The following SLC44A1 variants were observed in gnomAD, a reference collection of about 807,000 sequenced individuals.
SLC44A1 encodes solute carrier family 44 member 1, also known as choline transporter-like protein 1.
In SLC44A1, 26 loss-of-function variants were observed where a neutral mutation model predicts 79.3. The observed-to-expected ratio is 0.33, with a 90% CI of 0.24 to 0.46. SLC44A1 has a LOEUF of 0.46. Among genes scored for constraint, SLC44A1 ranks in the 20% least tolerant of loss-of-function variants. The pLI, the probability that SLC44A1 is intolerant of heterozygous loss-of-function variation, is 1.00. For synonymous variants in SLC44A1, 263 were observed against 286.2 expected (o/e 0.92, Z 0.82); for missense variants, 688 against 798.1 (o/e 0.86, Z 1.66).
intron 15 of SLC44A1, chr9:105,386,510 G>T: frequency 1.3e-6 from 1 of 764,594 alleles, no homozygotes; most frequent in Non-Finnish European, 1.6e-6. Context: ...TGCTGCCTGT[G>T]GGCCGCATAT....
intron 12 of SLC44A1, among the ~76,000 whole-genome samples, chr9:105,371,720 C>CAAAA (rs776993058): frequency 8.5e-5 from 8 of 94,184 alleles, no homozygotes; most frequent in Admixed American, 2.6e-4. Flanking sequence ...CTCCATCTCA[C>CAAAA]AAAAAAAAAA....
chr9:105,373,812 C>G (rs1350229714), intron 12 of SLC44A1, among the ~76,000 whole-genome samples: 3 of 152,168 alleles, frequency 2.0e-5, no homozygotes, highest in African/African-American at 7.2e-5. Flanking sequence ...TTCAAGAGAA[C>G]CTATGGAAGA....
In SLC44A1 at chr9:105,397,260, G is replaced by T. The variant is rs1828894521; in HGVS notation, c.*8204G>T. The T allele has an allele frequency of 1.0e-6, 1 of 985,104 alleles. No homozygotes were observed. Among genetic ancestry groups the T allele is most frequent in the African/African-American group, 1.7e-5 (1 of 57,342 alleles). The allele number at this position is 985,104 out of a possible 1,614,324, so 61.0% of individuals were successfully genotyped here. ...TAAGTTTTCTCTGTGTACTGACTCA[G>T]TTGCCAGAATTATAATGAAAACTGT... is the stretch of plus-strand genomic sequence containing the variant. On this transcript the variant is annotated 3_prime_UTR_variant, in exon 16 of 16. Transcript: ENST00000374720.
chr9:105,300,301 G>C (rs1044403528), intron 2 of SLC44A1, among the ~76,000 whole-genome samples: 1 of 152,052 alleles, frequency 6.6e-6, no homozygotes, highest in Non-Finnish European at 1.5e-5. Context: ...ATACATTATT[G>C]CTCTCTCTTT....
chr9:105,385,691 A>T, intron 15 of SLC44A1, 189 bp downstream of exon 15: 1 of 985,412 alleles, frequency 1.0e-6, no homozygotes, highest in Non-Finnish European at 1.2e-6. Flanking sequence ...AACTGAGACC[A>T]CCTTCTATAA....
At chr9:105,248,025 T>A (rs1361472647) in intron 1 of SLC44A1, among the ~76,000 whole-genome samples, 1 of 152,226 alleles carries the variant, frequency 6.6e-6, no homozygotes, top group Non-Finnish European at 1.5e-5. Flanking sequence ...TTAATGTGTA[T>A]GTTTTAGTTG....
At chr9:105,294,752 A>G (rs1365991838) in intron 1 of SLC44A1, 1 of 151,614 alleles carries the variant, frequency 6.6e-6, no homozygotes, top group Non-Finnish European at 1.5e-5. Flanking sequence ...TTTTTTTCAA[A>G]TATTTCCTCT....
chr9:105,266,028 A>T (rs1181497725), intron 1 of SLC44A1, among the ~76,000 whole-genome samples: 1 of 151,910 alleles, frequency 6.6e-6, no homozygotes. Context: ...TGCAATCATA[A>T]CTCACTGCAG....
rs117394654 is a variant in SLC44A1 at position 105,350,497 on chromosome 9, C to T, written c.500+2046C>T. Among the ~76,000 whole-genome samples, 25 of 152,056 alleles carry T rather than the reference C, an allele frequency of 1.6e-4. No individual in the cohort carries two copies. In the East Asian group the frequency reaches 3.7e-3, roughly 22 times the overall value. ...TGTTTTTGGTGACTTTTTTTAATGGCAAAAGACCAGCACCAGGCAAAACTA... is the reference window on the plus strand; with the variant it reads ...TGTTTTTGGTGACTTTTTTTAATGGTAAAAGACCAGCACCAGGCAAAACTA... On this transcript the variant is annotated intron_variant, in intron 5 of 15. Transcript: ENST00000374720.
intron 15 of SLC44A1, among the ~76,000 whole-genome samples, chr9:105,419,455 C>T (rs540919649): frequency 6.6e-6 from 1 of 152,258 alleles, no homozygotes; most frequent in African/African-American, 2.4e-5. Flanking sequence ...TTGGAAAGAC[C>T]ATATGTTGCA....
At chr9:105,416,045 G>A (rs1357985700) in intron 15 of SLC44A1, among the ~76,000 whole-genome samples, 2 of 151,732 alleles carry the variant, frequency 1.3e-5, no homozygotes, top group South Asian at 2.1e-4. Flanking sequence ...GAGACTATAG[G>A]TGCCCACCAC....
intron 15 of SLC44A1, among the ~76,000 whole-genome samples, chr9:105,423,942 G>T (rs1423292685): frequency 5.3e-5 from 8 of 152,194 alleles, no homozygotes; most frequent in Admixed American, 5.2e-4. Flanking sequence ...AGGTAAGTGG[G>T]TGTTGATTCC....
chr9:105,313,020 C>T (rs1259442663), intron 3 of SLC44A1, among the ~76,000 whole-genome samples: 5 of 152,158 alleles, frequency 3.3e-5, no homozygotes, highest in Admixed American at 3.3e-4. Flanking sequence ...CCCGTTTCAC[C>T]TATTCAGTCT....
intron 15 of SLC44A1, chr9:105,438,186 A>C: frequency 9.8e-7 from 1 of 1,016,116 alleles, no homozygotes; most frequent in East Asian, 2.6e-5. Context: ...TTTTCTTTAA[A>C]GACGATCCCA....
intron 15 of SLC44A1, among the ~76,000 whole-genome samples, chr9:105,406,754 T>G (rs1367404820): frequency 6.6e-6 from 1 of 152,046 alleles, no homozygotes; most frequent in South Asian, 2.1e-4. Flanking sequence ...TAAAAAAAAT[T>G]TTTTTAAAAA....
chr9:105,301,978 T>G (rs1270281245), intron 2 of SLC44A1, among the ~76,000 whole-genome samples: 1 of 152,234 alleles, frequency 6.6e-6, no homozygotes, highest in East Asian at 1.9e-4. Context: ...TTCTTAAATA[T>G]TCTAAGATCT....
intron 3 of SLC44A1, among the ~76,000 whole-genome samples, chr9:105,322,576 G>A (rs1481959116): frequency 6.6e-6 from 1 of 152,142 alleles, no homozygotes. Context: ...TGCCATTCTA[G>A]GCCGAAACCT....
intron 1 of SLC44A1, among the ~76,000 whole-genome samples, chr9:105,264,721 A>G (rs1829919586): frequency 6.6e-6 from 1 of 151,802 alleles, no homozygotes; most frequent in South Asian, 2.1e-4. Context: ...ATACCTCCAA[A>G]CTGGGCTGGA....
intron 4 of SLC44A1, among the ~76,000 whole-genome samples, chr9:105,338,495 G>A (rs976562734): frequency 1.7e-4 from 26 of 152,258 alleles, no homozygotes; most frequent in African/African-American, 5.8e-4. Flanking sequence ...ATTCATTGCA[G>A]CCTTGTACTT....
Sources: gnomAD v4.1 joint callset for allele counts (sites outside exome capture counted in the v4.1 genomes callset) on GRCh38, gnomAD v4.1.1 for gene constraint, MANE v1.5 for transcripts, NCBI Gene and HGNC (gene_info 2026-07-23, HGNC 2026-07-21) for gene names.